MUC4: variants seen among roughly 807,000 people sequenced by gnomAD.
MUC4 encodes mucin 4, cell surface associated.
In MUC4, 202 loss-of-function variants were observed where a neutral mutation model predicts 257.9. The ratio of observed to expected loss-of-function variants is 0.78; its 90% confidence interval spans 0.70 to 0.88. The LOEUF is 0.88. Among genes scored for constraint, MUC4 ranks in the 40% least tolerant of loss-of-function variants. The pLI is 0.00. For synonymous variants in MUC4, 2,351 were observed against 2,757.1 expected (o/e 0.85, Z 4.62); for missense variants, 5,976 against 6,513.7 (o/e 0.92, Z 2.84).
intron 1 of MUC4, among the ~76,000 whole-genome samples, chr3:195,800,890 G>GAA (rs59625247): frequency 0.035 from 3,230 of 91,258 alleles, 80 homozygotes; most frequent in Middle Eastern, 0.065. Flanking sequence ...CCCCTTCTCT[G>GAA]AAAAAAAAAA....
intron 14 of MUC4, 128 bp downstream of exon 14, chr3:195,761,959 C>T: frequency 1.7e-6 from 2 of 1,162,620 alleles, no homozygotes; most frequent in South Asian, 1.6e-5. Flanking sequence ...CCGCTCTGTG[C>T]CCCAAGGGTT....
At position 195,757,080 on chromosome 3, in the gene MUC4, C is replaced by G; in HGVS notation, c.15168+67G>C. On this transcript the variant is annotated intron_variant, in intron 18 of 24. Coordinates refer to ENST00000463781, the MANE Select transcript of MUC4 (RefSeq NM_018406.7). The surrounding 1 kb of genome is among the most constrained non-coding windows in gnomAD (Gnocchi z 4.8). ...ACACCCAGGACAGGCAGAATCACAG[C>G]ATCCATTCCACTCCCATTTCCTCTC... 3.4e-6 allele frequency: 5 copies of G among 1,489,448 alleles called. No homozygotes were observed. Among genetic ancestry groups the G allele is most frequent in the Non-Finnish European group, 3.7e-6 (4 of 1,088,606 alleles). The allele number at this position is 1,489,448 out of a possible 1,614,324, so 92.3% of individuals were successfully genotyped here.
chr3:195,778,576 T>G, intron 2 of MUC4, 121 bp from the exon 3 acceptor site: 1 of 1,394,356 alleles, frequency 7.2e-7, no homozygotes. Flanking sequence ...TCTCCCCTGC[T>G]CATATCCAAA....
rs1171691665 is a variant in MUC4, at chr3:195,790,801, G to A, written c.779C>T (p.Thr260Ile). 1 of 1,613,890 alleles carries A rather than the reference G, an allele frequency of 6.2e-7. No individual in the cohort carries two copies. The highest frequency in any genetic ancestry group is 1.3e-5 in the African/African-American group (1 of 75,000). ...GGTTGTCACTGTTATCTTCTCTGAT[G>A]TCATCATGGATGTGTTTGTGACACT... ...LCSVTNTSMM[T>I]SEKITVTTST... Residue 260 changes from threonine to isoleucine, a missense_variant, in exon 2 of 25, where the codon ACA becomes ATA. Coordinates refer to ENST00000463781, the MANE Select transcript of MUC4 (RefSeq NM_018406.7).
Position 195,789,081 on chromosome 3 carries a change from G to T in MUC4, c.2499C>A (p.Asn833Lys). Residue 833 changes from asparagine to lysine, a missense_variant, in exon 2 of 25, where the codon AAC (asparagine) becomes AAA (lysine). Around this residue, in one of 44 missense-constraint regions of MUC4, gnomAD observed 1,583 missense variants for 1,257.4 expected, o/e 1.26. Coordinates refer to ENST00000463781, the MANE Select transcript of MUC4 (RefSeq NM_018406.7). ...GGGTTGTGTGACTGTCCCTGGAGGG[G>T]TTTGATGAAAACCTTGTCGTCTCTC... ...TSGETTRFSSNPSRDSHTTQS... is the reference protein window; with the variant it reads ...TSGETTRFSSKPSRDSHTTQS... 6.2e-7 allele frequency: 1 copy of T among 1,613,500 alleles called. No homozygotes were observed. Among genetic ancestry groups the T allele is most frequent in the Non-Finnish European group, 8.5e-7 (1 of 1,179,650 alleles).
chr3:195,780,744 A>G lies in MUC4; in HGVS notation c.10836T>C (p.Gly3612=). 3 of 1,491,778 alleles carry G rather than the reference A, an allele frequency of 2.0e-6. No homozygotes were observed. The highest frequency in any genetic ancestry group is 2.4e-5 in the South Asian group (2 of 82,050). 92.4% of individuals were successfully genotyped at this position (1,491,778 alleles called of 1,614,324 possible). ...CCGTGACAGGAAGACGGGTGGTGTC[A>G]CCTGTGGATGCTGAGGAAGTGTCGG... ...PVTDTSSAST[G]DTTRLPVTDT... Residue 3612 remains glycine, a synonymous_variant, in exon 2 of 25, where the codon GGT becomes GGC. Transcript: ENST00000463781.
At chr3:195,796,450 C>G (rs549385155) in intron 1 of MUC4, among the ~76,000 whole-genome samples, 1 of 152,148 alleles carries the variant, frequency 6.6e-6, no homozygotes, top group East Asian at 1.9e-4. Flanking sequence ...CGGTGGCTCA[C>G]GCCTGTAATC....
rs1395316317 is a variant in MUC4, at chr3:195,747,133, G to A, written c.*43C>T. The A allele has an allele frequency of 1.4e-5, 22 of 1,610,628 alleles. No homozygotes were observed. Among genetic ancestry groups the A allele is most frequent in the Non-Finnish European group, 1.7e-5 (20 of 1,177,012 alleles). ...CAATGGCGCCTTAAATGTGCGGTAA[G>A]GATGAGGTGAGTCTTGAGGTAGCCT... On this transcript the variant is annotated 3_prime_UTR_variant, in exon 25 of 25. Coordinates refer to ENST00000463781, the MANE Select transcript of MUC4 (RefSeq NM_018406.7).
At chr3:195,766,891 C>A (rs1266764337) in intron 7 of MUC4, 140 bp from the exon 8 acceptor site, 13 of 703,262 alleles carry the variant, frequency 1.8e-5, no homozygotes, top group Non-Finnish European at 3.0e-5. Context: ...GTCAGCCAGC[C>A]CCCATCGTCA....
intron 5 of MUC4, 96 bp from the exon 6 acceptor site, chr3:195,770,467 C>T (rs1722558850): frequency 7.1e-7 from 1 of 1,408,262 alleles, no homozygotes; most frequent in East Asian, 2.3e-5. Flanking sequence ...CCACTTCAGC[C>T]CACCCAATGG....
chr3:195,797,941 A>G (rs1734761465), intron 1 of MUC4, among the ~76,000 whole-genome samples: 1 of 152,132 alleles, frequency 6.6e-6, no homozygotes, highest in South Asian at 2.1e-4. Context: ...TCCTGTCTCT[A>G]CAGAAATAAA....
Position 195,790,736 on chromosome 3 carries a change from A to T in MUC4, c.844T>A (p.Ser282Thr), listed in dbSNP as rs1733757138. 6.2e-7 allele frequency: 1 copy of T among 1,613,888 alleles called. No individual in the cohort carries two copies. Among genetic ancestry groups the T allele is most frequent in the Non-Finnish European group, 8.5e-7 (1 of 1,179,884 alleles). The part of the protein sequence containing the change: ...STLGNPGETS[S>T]VPVTGSLMPV... ...ATAAGACTTCCAGTAACAGGTACTG[A>T]TGATGTCTCCCCTGGGTTTCCAAGA... The change falls in exon 2 of 25, where the codon TCA (serine) becomes ACA (threonine). Residue 282 changes from serine to threonine, a missense_variant. By Grantham distance (58) the Ser-to-Thr change is moderately conservative (BLOSUM62 1). Transcript: ENST00000463781.
chr3:195,790,555 T>C lies in MUC4; in HGVS notation c.1025A>G (p.Asn342Ser). ...TTRVSQINTL[N>S]TLTPVTTSTV... ...TGATGTTGTAACCGGTGTGAGGGTG[T>C]TGAGGGTGTTGATTTGAGATACTCT... Residue 342 changes from asparagine (N) to serine (S), a missense_variant, in exon 2 of 25, where the codon AAC becomes AGC. Around this residue, in one of 44 missense-constraint regions of MUC4, gnomAD observed 1,583 missense variants for 1,257.4 expected, o/e 1.26. Transcript: ENST00000463781. 1 of 1,613,988 alleles carries C rather than the reference T, an allele frequency of 6.2e-7. No homozygotes were observed. The highest frequency in any genetic ancestry group is 8.5e-7 in the Non-Finnish European group (1 of 1,179,872).
rs1179888715 is a variant in MUC4 at position 195,762,098 on chromosome 3, T to A, written c.14501A>T (p.Glu4834Val). ...CGAGCCGCCCTCACCCAGGAGCCCC[T>A]CCGTGCGGTTCTGGTACTCGGGCGG... ...SLPPEYQNRT[E>V]GLLGVWNNNP... Residue 4834 changes from glutamate (E) to valine (V), a missense_variant, in exon 14 of 25, where the codon GAG (glutamate) becomes GTG (valine). This residue lies in a region of MUC4 where 996 missense variants were observed against 1,137.3 expected (regional missense o/e 0.88). Coordinates refer to ENST00000463781, the MANE Select transcript of MUC4 (RefSeq NM_018406.7). 2 of 1,599,734 alleles carry A rather than the reference T, an allele frequency of 1.3e-6. No individual in the cohort carries two copies. The highest frequency in any genetic ancestry group is 2.7e-5 in the African/African-American group (2 of 74,534).
At chr3:195,761,346 G>T in intron 15 of MUC4, 138 bp downstream of exon 15, 1 of 806,052 alleles carries the variant, frequency 1.2e-6, no homozygotes, top group Non-Finnish European at 2.0e-6. Context: ...GTGGTGGTGG[G>T]GACAGCCCTG....
In MUC4 at chr3:195,782,007, G is replaced by T; in HGVS notation, c.9573C>A (p.Ser3191=). 6.6e-7 allele frequency: 1 copy of T among 1,513,982 alleles called. No individual in the cohort carries two copies. Among genetic ancestry groups the T allele is most frequent in the Non-Finnish European group, 8.8e-7 (1 of 1,131,948 alleles). 93.8% of individuals were successfully genotyped at this position (1,513,982 alleles called of 1,614,324 possible). A position where few individuals can be genotyped will look rare whatever the true frequency, so the allele number is the denominator to read the frequency against. The change falls in exon 2 of 25, where the codon TCC becomes TCA. Residue 3191 remains serine, a synonymous_variant. Coordinates refer to ENST00000463781, the MANE Select transcript of MUC4 (RefSeq NM_018406.7). ...GAGTGGCGTGACCTGTGGATGCTGA[G>T]GAAGGGCTAGTGACAGGAAGAGGCG... ...DTTPLPVTSP[S]SASTGHATPL... is the part of the protein sequence containing the mutation.
chr3:195,778,413 G>C lies in MUC4; in HGVS notation c.12833C>G (p.Thr4278Arg). 1 of 1,613,102 alleles carries C rather than the reference G, an allele frequency of 6.2e-7. No homozygotes were observed. The highest frequency in any genetic ancestry group is 1.1e-5 in the South Asian group (1 of 91,052). ...PSLKTDGGRRTATSPPPTTSQ... is the reference protein window; with the variant it reads ...PSLKTDGGRRRATSPPPTTSQ... Reference sequence around the variant, plus strand: ...GGTTGTGGGGGGTGGTGATGTGGCTGTGCGTCTCCCACCGTCTGTCTTCAG... The same window carrying C: ...GGTTGTGGGGGGTGGTGATGTGGCTCTGCGTCTCCCACCGTCTGTCTTCAG... Residue 4278 changes from threonine (T) to arginine (R), a missense_variant, in exon 3 of 25, where the codon ACA becomes AGA. Thr to Arg is a moderately conservative substitution (Grantham distance 71). Coordinates refer to ENST00000463781, the MANE Select transcript of MUC4 (RefSeq NM_018406.7).
rs374956216 is a variant in MUC4, at chr3:195,750,997, C to A, written c.15763G>T (p.Ala5255Ser). The A allele has an allele frequency of 1.2e-6, 2 of 1,614,050 alleles. No individual in the cohort carries two copies. The highest frequency in any genetic ancestry group is 3.3e-5 in the Admixed American group (2 of 60,020). The change falls in exon 23 of 25, where the codon GCG (alanine) becomes TCG (serine). Residue 5255 changes from alanine to serine, a missense_variant. Around this residue, in one of 44 missense-constraint regions of MUC4, gnomAD observed 310 missense variants for 242.1 expected, o/e 1.28. Coordinates refer to ENST00000463781, the MANE Select transcript of MUC4 (RefSeq NM_018406.7). ...TGGTATAAGAACGCCTCCACCACCG[C>A]GGCCAGCAGCTGGTTGTTCAGGAAG... is the stretch of plus-strand genomic sequence containing the variant. The part of the protein sequence containing the change: ...IDFLNNQLLA[A>S]VVEAFLYHVP...
rs1265919348 is a variant in MUC4, at chr3:195,782,259, G to C, written c.9321C>G (p.Val3107=). The C allele has an allele frequency of 6.7e-7, 1 of 1,503,436 alleles. No individual in the cohort carries two copies. The highest frequency in any genetic ancestry group is 9.0e-7 in the Non-Finnish European group (1 of 1,112,106). The allele number at this position is 1,503,436 out of a possible 1,614,324, so 93.1% of individuals were successfully genotyped here. The change falls in exon 2 of 25, where the codon GTC becomes GTG. Residue 3107 remains valine, a synonymous_variant. Coordinates refer to ENST00000463781, the MANE Select transcript of MUC4 (RefSeq NM_018406.7). ...CTGTGGATGCTGAGGAAGGGCTAGT[G>C]ACAGGAAGAGGCGTGGTGTCACCTG... The part of the protein sequence containing the change: ...VSTGDTTPLP[V]TSPSSASTGH...
Sources: gnomAD v4.1 joint callset for allele counts (sites outside exome capture counted in the v4.1 genomes callset) on GRCh38, gnomAD v4.1.1 for gene constraint, gnomAD v4.1.1 regional missense constraint, Gnocchi (gnomAD v3.1) non-coding constraint, MANE v1.5 for transcripts, NCBI Gene and HGNC (gene_info 2026-07-23, HGNC 2026-07-21) for gene names.